The following SND1 variants were observed in gnomAD, a reference collection of about 807,000 sequenced individuals.
The protein encoded by SND1 is staphylococcal nuclease domain-containing protein 1.
Under a neutral mutation model 121.7 loss-of-function variants are expected in SND1, and 38 were observed. The observed-to-expected ratio is 0.31, with a 90% CI of 0.24 to 0.41. The LOEUF (loss-of-function observed/expected upper bound fraction) is 0.41. SND1 is among the 10% of genes least tolerant of loss of function. The probability of loss-of-function intolerance (pLI) is 1.00; values close to 1 mark genes in which losing one functional copy is unlikely to be tolerated. For synonymous variants in SND1, 401 were observed against 447.4 expected (o/e 0.90, Z 1.31); for missense variants, 868 against 1,184.6 (o/e 0.73, Z 3.92).
intron 10 of SND1, among the ~76,000 whole-genome samples, chr7:127,754,728 G>A (rs112126792): frequency 0.016 from 2,446 of 152,326 alleles, 25 homozygotes; most frequent in Middle Eastern, 0.044. Flanking sequence ...CCCAGAGAGG[G>A]ACAGACAAAA....
At chr7:127,730,797 G>T (rs1470733211) in intron 10 of SND1, among the ~76,000 whole-genome samples, 1 of 152,088 alleles carries the variant, frequency 6.6e-6, no homozygotes, top group Non-Finnish European at 1.5e-5. Flanking sequence ...TCCTCACTGG[G>T]GGCCTTTACT....
At chr7:127,815,232 T>C (rs900510121) in intron 11 of SND1, among the ~76,000 whole-genome samples, 4 of 152,092 alleles carry the variant, frequency 2.6e-5, no homozygotes, top group Non-Finnish European at 5.9e-5. Context: ...TGTGACCTTA[T>C]TTGGAAATAA....
At chr7:127,801,129 C>T (rs901166910) in intron 10 of SND1, among the ~76,000 whole-genome samples, 1 of 152,180 alleles carries the variant, frequency 6.6e-6, no homozygotes, top group African/African-American at 2.4e-5. Context: ...AGTAGCATTT[C>T]GTAGTTAGAG....
intron 16 of SND1, among the ~76,000 whole-genome samples, chr7:128,001,788 G>A (rs372419184): frequency 2.0e-5 from 3 of 152,174 alleles, no homozygotes; most frequent in Admixed American, 2.0e-4. Flanking sequence ...AAAATCAGCT[G>A]GGCATGGTGG....
chr7:128,081,525 G>T (rs116267987), intron 18 of SND1, 24 bp downstream of exon 18: 12 of 1,612,298 alleles, frequency 7.4e-6, no homozygotes, highest in Non-Finnish European at 9.3e-6. Context: ...CCGCTGGCTC[G>T]TGGTTCCTGG....
intron 11 of SND1, among the ~76,000 whole-genome samples, chr7:127,826,288 T>C (rs1798641654): frequency 6.6e-6 from 1 of 152,254 alleles, no homozygotes; most frequent in South Asian, 2.1e-4. Flanking sequence ...GTTATTTTAT[T>C]CCATGAGTAT....
chr7:127,657,742 C>G (rs923539203), intron 1 of SND1, among the ~76,000 whole-genome samples: 17 of 152,144 alleles, frequency 1.1e-4, no homozygotes, highest in African/African-American at 3.9e-4. Context: ...AAGTGACCTT[C>G]TCCACTCTGG....
At chr7:127,945,319 C>T (rs1257311415) in intron 15 of SND1, among the ~76,000 whole-genome samples, 5 of 151,964 alleles carry the variant, frequency 3.3e-5, no homozygotes, top group African/African-American at 1.2e-4. Context: ...GGTGAAACCC[C>T]GTCTCTACTA....
intron 1 of SND1, among the ~76,000 whole-genome samples, chr7:127,659,522 C>G (rs1340661677): frequency 6.6e-6 from 1 of 152,198 alleles, no homozygotes; most frequent in African/African-American, 2.4e-5. Flanking sequence ...AAGGTACCAT[C>G]TCCTCTCTAT....
chr7:128,043,851 TATATACAC>T (rs1329125347), intron 16 of SND1, among the ~76,000 whole-genome samples: 6 of 61,652 alleles, frequency 9.7e-5, no homozygotes, highest in South Asian at 1.8e-3. Flanking sequence ...TGTGTGTATA[TATATACAC>T]ATATACACAC....
At chr7:127,736,508 T>C (rs987479208) in intron 10 of SND1, among the ~76,000 whole-genome samples, 2 of 152,246 alleles carry the variant, frequency 1.3e-5, no homozygotes, top group Non-Finnish European at 2.9e-5. Context: ...ATTATATCTT[T>C]GTTCTTAAAA....
intron 20 of SND1, among the ~76,000 whole-genome samples, chr7:128,086,110 C>G (rs1223065656): frequency 6.6e-6 from 1 of 152,238 alleles, no homozygotes; most frequent in Non-Finnish European, 1.5e-5. Flanking sequence ...CCCACAGTTC[C>G]TGGTGTTCAA....
intron 23 of SND1, 40 bp from the exon 24 acceptor site, chr7:128,091,953 C>A (rs1319731534): frequency 6.2e-7 from 1 of 1,613,918 alleles, no homozygotes. Context: ...TCCGGTGGGT[C>A]CCGTATCCCT....
chr7:127,686,318 G>A (rs930554797), intron 1 of SND1, among the ~76,000 whole-genome samples: 10 of 152,186 alleles, frequency 6.6e-5, no homozygotes, highest in Non-Finnish European at 1.3e-4. Flanking sequence ...TGAAATTATA[G>A]AGGTCATTAA....
At position 128,075,502 on chromosome 7, in the gene SND1, G is replaced by A. The variant is rs56963103; in HGVS notation, c.1968+812G>A. On this transcript the variant is annotated intron_variant, in intron 17 of 23. Transcript: ENST00000354725. ...GCCCGGACACCTGCCAAAAAGAGTCGGGGGCTTTGAGGCCCCAGAAGCACC... is the reference window on the plus strand; with the variant it reads ...GCCCGGACACCTGCCAAAAAGAGTCAGGGGCTTTGAGGCCCCAGAAGCACC... Among the ~76,000 whole-genome samples the A allele has an allele frequency of 7.9e-4, 121 of 152,268 alleles. 1 individual carries two copies. The highest frequency in any genetic ancestry group is 6.8e-3 in the Middle Eastern group (2 of 294).
At chr7:127,887,465 GACATT>G (rs1255459757) in intron 12 of SND1, among the ~76,000 whole-genome samples, 1 of 152,074 alleles carries the variant, frequency 6.6e-6, no homozygotes, top group East Asian at 1.9e-4. Context: ...ACTAAAAGAA[GACATT>G]TTCTGGTTGT....
chr7:128,063,273 C>G (rs1237866567), intron 16 of SND1, among the ~76,000 whole-genome samples: 1 of 152,212 alleles, frequency 6.6e-6, no homozygotes, highest in East Asian at 1.9e-4. Flanking sequence ...CCTGGATAAA[C>G]AGAGGAGGCC....
At chr7:128,027,381 T>C (rs957630238) in intron 16 of SND1, 5 of 152,578 alleles carry the variant, frequency 3.3e-5, no homozygotes, top group African/African-American at 1.2e-4. Context: ...GAACTCCATG[T>C]GTGCATGCGT....
In SND1 at chr7:128,086,896, G is replaced by A. The variant is rs750011955; in HGVS notation, c.2305-42G>A. ...AGCTGTCCTGTGAGAGAGCAAGGGG[G>A]CAGCGAGTATGTGACATGTTGGCCT... On this transcript the variant is annotated intron_variant, in intron 20 of 23. Transcript: ENST00000354725. 8.8e-6 allele frequency: 13 copies of A among 1,477,924 alleles called. No individual in the cohort carries two copies. The African/African-American group carries it at 1.4e-4, about 16-fold the overall frequency. 91.6% of individuals were successfully genotyped at this position (1,477,924 alleles called of 1,614,324 possible).
Sources: gnomAD v4.1 joint callset for allele counts (sites outside exome capture counted in the v4.1 genomes callset) on GRCh38, gnomAD v4.1.1 for gene constraint, MANE v1.5 for transcripts, NCBI Gene and HGNC (gene_info 2026-07-23, HGNC 2026-07-21) for gene names.